The following ENOX1 variants were observed in gnomAD, a reference collection of about 807,000 sequenced individuals.
ENOX1 encodes the protein ecto-NOX disulfide-thiol exchanger 1, also known as candidate growth-related and time keeping constitutive hydroquinone (NADH) oxidase.
A neutral mutation model predicts 82.5 loss-of-function variants in ENOX1; 42 were observed. The observed-to-expected ratio is 0.51, with a 90% CI of 0.40 to 0.66. The LOEUF is 0.66. ENOX1 is among the 30% of genes least tolerant of loss of function. The pLI, the probability that ENOX1 is intolerant of heterozygous loss-of-function variation, is 0.00. For synonymous variants in ENOX1, 271 were observed against 282.2 expected (o/e 0.96, Z 0.40); for missense variants, 608 against 811.6 (o/e 0.75, Z 3.05).
intron 2 of ENOX1, among the ~76,000 whole-genome samples, chr13:43,627,465 A>G (rs2083015581): frequency 6.6e-6 from 1 of 152,006 alleles, no homozygotes; most frequent in African/African-American, 2.4e-5. Context: ...TATAATTCAG[A>G]CAGTCTATTA....
chr13:43,340,306 G>A (rs2153541430), intron 9 of ENOX1, among the ~76,000 whole-genome samples: 1 of 152,262 alleles, frequency 6.6e-6, no homozygotes, highest in Non-Finnish European at 1.5e-5. Flanking sequence ...TCACATTTAA[G>A]GTATCCCCCA....
intron 3 of ENOX1, among the ~76,000 whole-genome samples, chr13:43,424,529 A>C (rs1264396341): frequency 6.6e-6 from 1 of 152,228 alleles, no homozygotes; most frequent in African/African-American, 2.4e-5. Flanking sequence ...TTCTCCCAGT[A>C]GGGTGACAAA....
At chr13:43,545,755 T>C (rs1593746759) in intron 2 of ENOX1, 1 of 152,248 alleles carries the variant, frequency 6.6e-6, no homozygotes, top group East Asian at 1.9e-4. Flanking sequence ...GGAAGTAGAT[T>C]GCTATTTATG....
chr13:43,736,756 G>T (rs879821501), intron 1 of ENOX1, among the ~76,000 whole-genome samples: 1 of 152,166 alleles, frequency 6.6e-6, no homozygotes, highest in Non-Finnish European at 1.5e-5. Context: ...TGTAGCAAAA[G>T]GCAGGTTCTG....
At chr13:43,506,477 C>T (rs1466471737) in intron 2 of ENOX1, among the ~76,000 whole-genome samples, 2 of 142,484 alleles carry the variant, frequency 1.4e-5, no homozygotes, top group Non-Finnish European at 3.2e-5. Flanking sequence ...CCAGCCATCC[C>T]ATTACTGGGT....
chr13:43,444,164 A>G (rs2153625453), intron 3 of ENOX1, among the ~76,000 whole-genome samples: 1 of 152,246 alleles, frequency 6.6e-6, no homozygotes. Context: ...CTGCAATAGC[A>G]CCCCTTTTCA....
At position 43,759,502 on chromosome 13, in the gene ENOX1, C is replaced by T. The variant is rs116235117; in HGVS notation, c.-285+27150G>A. 1.6e-3 allele frequency among the ~76,000 whole-genome samples: 251 copies of T among 152,200 alleles called. 1 individual carries two copies. The highest frequency in any genetic ancestry group is 5.8e-3 in the African/African-American group (241 of 41,526). On this transcript the variant is annotated intron_variant, in intron 1 of 16. Transcript: ENST00000690772. ...AACTTAACTCACTGAACTTTTTCAA[C>T]CCCTCATGCTATACTGAAACAGTCT...
intron 6 of ENOX1, 115 bp from the exon 7 acceptor site, chr13:43,360,172 T>C: frequency 1.2e-6 from 1 of 847,864 alleles, no homozygotes. Flanking sequence ...GACGGTAAAT[T>C]TCTATGCCAA....
intron 2 of ENOX1, among the ~76,000 whole-genome samples, chr13:43,630,730 T>C (rs1163063825): frequency 6.6e-6 from 1 of 151,752 alleles, no homozygotes; most frequent in Non-Finnish European, 1.5e-5. Flanking sequence ...AAAAAATACA[T>C]AAAAATGGAA....
chr13:43,526,415 C>T (rs547352819), intron 2 of ENOX1, among the ~76,000 whole-genome samples: 40 of 151,854 alleles, frequency 2.6e-4, no homozygotes, highest in Non-Finnish European at 2.5e-4. Flanking sequence ...GGATGAAAAA[C>T]AGTAAAAGCA....
chr13:43,361,171 CTG>C (rs1483295919), intron 6 of ENOX1, 106 bp downstream of exon 6: 12 of 1,154,410 alleles, frequency 1.0e-5, no homozygotes, highest in Non-Finnish European at 1.2e-5. Context: ...GATCCCCACT[CTG>C]TGCATTTACG....
At position 43,498,164 on chromosome 13, in the gene ENOX1, T is replaced by A. The variant is rs188372248; in HGVS notation, c.-218-14012A>T. Among the ~76,000 whole-genome samples the A allele has an allele frequency of 2.0e-5, 3 of 152,250 alleles. No homozygotes were observed. The East Asian group carries it at 5.8e-4, about 29-fold the overall frequency. ...ACTGACATAATTTTGCACTGCCATGTGTTTTCAGTCATCTTTATTAGTTTG... is the reference window on the plus strand; with the variant it reads ...ACTGACATAATTTTGCACTGCCATGAGTTTTCAGTCATCTTTATTAGTTTG... On this transcript the variant is annotated intron_variant, in intron 2 of 16. Coordinates refer to ENST00000690772, the MANE Select transcript of ENOX1 (RefSeq NM_001347969.2).
At chr13:43,743,853 G>A (rs1255033952) in intron 1 of ENOX1, among the ~76,000 whole-genome samples, 1 of 152,110 alleles carries the variant, frequency 6.6e-6, no homozygotes, top group Non-Finnish European at 1.5e-5. Flanking sequence ...GTCTAAGATT[G>A]AGGGGCCAAC....
intron 2 of ENOX1, among the ~76,000 whole-genome samples, chr13:43,551,045 A>AT (rs961198489): frequency 9.9e-5 from 15 of 152,180 alleles, no homozygotes; most frequent in Middle Eastern, 3.4e-3. Context: ...AGAGACAAGT[A>AT]TTTTTTTTAA....
intron 12 of ENOX1, among the ~76,000 whole-genome samples, chr13:43,286,135 G>A (rs1284675431): frequency 6.6e-6 from 1 of 152,188 alleles, no homozygotes; most frequent in African/African-American, 2.4e-5. Context: ...GTGTGAATGA[G>A]TCGGCTTCTT....
At chr13:43,640,089 T>G (rs1253186643) in intron 2 of ENOX1, among the ~76,000 whole-genome samples, 1 of 152,222 alleles carries the variant, frequency 6.6e-6, no homozygotes, top group Non-Finnish European at 1.5e-5. Flanking sequence ...AAGAAATACA[T>G]ATTCTGGCCA....
chr13:43,339,045 G>A (rs1018395129), intron 9 of ENOX1, among the ~76,000 whole-genome samples: 7 of 152,136 alleles, frequency 4.6e-5, no homozygotes, highest in Non-Finnish European at 1.0e-4. Flanking sequence ...TAAAAACAAT[G>A]ACTGTTTGAT....
intron 3 of ENOX1, among the ~76,000 whole-genome samples, chr13:43,470,378 A>ATATATATATG (rs2058005417): frequency 5.6e-5 from 2 of 35,724 alleles, no homozygotes; most frequent in African/African-American, 1.7e-4. Context: ...ATATATATAC[A>ATATATATATG]TATATATACG....
chr13:43,415,901 C>T (rs1331919909), intron 3 of ENOX1, among the ~76,000 whole-genome samples: 23 of 123,820 alleles, frequency 1.9e-4, no homozygotes, highest in East Asian at 5.1e-4. Flanking sequence ...ACTTCCCAGA[C>T]GGGGCGGCCG....
Sources: allele counts gnomAD v4.1 joint callset (sites outside exome capture counted in the v4.1 genomes callset), GRCh38; gene constraint gnomAD v4.1.1; transcripts MANE v1.5; gene names NCBI Gene and HGNC (gene_info 2026-07-23, HGNC 2026-07-21).